Variants in KIAA1549 observed in about 807,000 individuals in gnomAD.
KIAA1549 encodes the protein UPF0606 protein KIAA1549.
In KIAA1549, 70 loss-of-function variants were observed where a neutral mutation model predicts 156.4. That is an observed-to-expected ratio of 0.45 (90% CI 0.37 to 0.55). The LOEUF (loss-of-function observed/expected upper bound fraction) is 0.55, where lower values mean the gene tolerates loss of function less well. Among genes scored for constraint, KIAA1549 ranks in the 20% least tolerant of loss-of-function variants. KIAA1549 has a pLI of 0.00. For synonymous variants in KIAA1549, 1,103 were observed against 1,066.4 expected, an observed-to-expected ratio of 1.03 and a Z score of -0.67; for missense variants, 2,428 against 2,540.9, an observed-to-expected ratio of 0.96 and a Z score of 0.96.
chr7:138,867,730 T>C (rs931756518), intron 15 of KIAA1549, among the ~76,000 whole-genome samples: 4 of 151,614 alleles, frequency 2.6e-5, no homozygotes, highest in African/African-American at 7.3e-5. Flanking sequence ...AAACACGGAG[T>C]GTGTTTCCAG....
At chr7:138,870,229 C>T (rs765967258) in intron 13 of KIAA1549, among the ~76,000 whole-genome samples, 9 of 152,030 alleles carry the variant, frequency 5.9e-5, no homozygotes, top group South Asian at 2.1e-4. Context: ...GTAAGCTCCA[C>T]GGAGTCACCG....
chr7:138,893,542 C>G (rs150875868), intron 10 of KIAA1549, among the ~76,000 whole-genome samples: 1 of 152,170 alleles, frequency 6.6e-6, no homozygotes, highest in Non-Finnish European at 1.5e-5. Flanking sequence ...CAAAACAAAA[C>G]AAGACTTGGG....
intron 13 of KIAA1549, among the ~76,000 whole-genome samples, chr7:138,870,638 A>G (rs1810900790): frequency 6.6e-6 from 1 of 152,094 alleles, no homozygotes; most frequent in Admixed American, 6.6e-5. Context: ...GGCCGCACTA[A>G]CACTTTTCTG....
intron 1 of KIAA1549, among the ~76,000 whole-genome samples, chr7:138,948,575 T>C (rs1394154797): frequency 6.6e-6 from 1 of 152,180 alleles, no homozygotes; most frequent in Non-Finnish European, 1.5e-5. Flanking sequence ...AACCAATAGA[T>C]ACTGTCACTG....
intron 1 of KIAA1549, among the ~76,000 whole-genome samples, chr7:138,972,354 A>G (rs1308521245): frequency 7.1e-6 from 1 of 140,844 alleles, no homozygotes; most frequent in Admixed American, 7.1e-5. Flanking sequence ...ATGACACCCC[A>G]ATCCCTCCCG....
At chr7:138,922,777 GAGACATAGA>G (rs1264037883) in intron 1 of KIAA1549, among the ~76,000 whole-genome samples, 2 of 151,902 alleles carry the variant, frequency 1.3e-5, no homozygotes, top group African/African-American at 2.4e-5. Context: ...AAGAAGTTAA[GAGACATAGA>G]AGACAGAATA....
In KIAA1549 at chr7:138,981,167, G is replaced by A. The variant is rs1389685509; in HGVS notation, c.103C>T (p.Arg35Cys). Reference sequence around the variant, plus strand: ...CCCGGGCGGCGGCGGCGGGCGCAGCGGGCGGAAGGCCGTCGGCCGCTCGGC... The same window carrying A: ...CCCGGGCGGCGGCGGCGGGCGCAGCAGGCGGAAGGCCGTCGGCCGCTCGGC... The part of the protein sequence containing the change: ...PGPSGRRPSA[R>C]CARRRRPGLL... The change falls in exon 1 of 20, where the codon CGC (arginine) becomes TGC (cysteine). Residue 35 changes from arginine to cysteine, a missense_variant. By Grantham distance (180) the Arg-to-Cys change is radical. Around this residue, in one of 5 missense-constraint regions of KIAA1549, gnomAD observed 893 missense variants for 847.9 expected, o/e 1.05. Transcript: ENST00000422774. This position sits in a 1 kb window ranked among gnomAD's most constrained non-coding sequence, Gnocchi z 4.5. 46 of 1,173,680 alleles carry A rather than the reference G, an allele frequency of 3.9e-5. No individual in the cohort carries two copies. The East Asian group carries it at 8.5e-4, about 22-fold the overall frequency. 72.7% of individuals were successfully genotyped at this position (1,173,680 alleles called of 1,614,324 possible).
At chr7:138,935,793 C>A (rs1194493085) in intron 1 of KIAA1549, among the ~76,000 whole-genome samples, 1 of 152,166 alleles carries the variant, frequency 6.6e-6, no homozygotes, top group Non-Finnish European at 1.5e-5. Context: ...TAATTCGGCT[C>A]TAAATTAAGC....
intron 1 of KIAA1549, among the ~76,000 whole-genome samples, chr7:138,948,878 A>G (rs551005797): frequency 1.3e-5 from 2 of 151,466 alleles, no homozygotes; most frequent in East Asian, 1.9e-4. Flanking sequence ...AATTTTTTGT[A>G]TTTTTAGTAG....
intron 1 of KIAA1549, among the ~76,000 whole-genome samples, chr7:138,935,443 A>G (rs1466438570): frequency 6.6e-6 from 1 of 152,218 alleles, no homozygotes; most frequent in Non-Finnish European, 1.5e-5. Flanking sequence ...TGAGTAACCA[A>G]AACAAACTAA....
chr7:138,969,937 G>A (rs902893791), intron 1 of KIAA1549, among the ~76,000 whole-genome samples: 15 of 152,062 alleles, frequency 9.9e-5, no homozygotes, highest in East Asian at 7.7e-4. Flanking sequence ...TAAATGGTGC[G>A]TCCATCCCCT....
chr7:138,910,868 A>C (rs545289067), intron 4 of KIAA1549, among the ~76,000 whole-genome samples: 147 of 151,794 alleles, frequency 9.7e-4, no homozygotes, highest in Non-Finnish European at 1.9e-3. Context: ...GCCTAAAAAA[A>C]AATTAAAAAA....
chr7:138,917,640 A>C lies in KIAA1549; in HGVS notation c.1986T>G (p.Ser662=). The part of the protein sequence containing the change: ...PSDLSPFTSQ[S]FSPLVETFTL... ...TAAATGTCTCAACCAAGGGAGAAAA[A>C]GACTGAGATGTGAAGGGGGACAAGT... The change falls in exon 2 of 20, where the codon TCT becomes TCG. Residue 662 remains serine, a synonymous_variant. Transcript: ENST00000422774. 2 of 1,613,646 alleles carry C rather than the reference A, an allele frequency of 1.2e-6. No homozygotes were observed. The highest frequency in any genetic ancestry group is 1.7e-6 in the Non-Finnish European group (2 of 1,179,724).
chr7:138,839,077 A>G (rs1809832421), intron 19 of KIAA1549, among the ~76,000 whole-genome samples: 1 of 152,180 alleles, frequency 6.6e-6, no homozygotes, highest in Non-Finnish European at 1.5e-5. Context: ...GAAGGCAAAA[A>G]AAGAGAAATG....
At chr7:138,900,042 T>C (rs1014817764) in intron 8 of KIAA1549, among the ~76,000 whole-genome samples, 1 of 152,228 alleles carries the variant, frequency 6.6e-6, no homozygotes. Context: ...CTCCTTATTT[T>C]ACATGTGCCA....
At chr7:138,934,066 C>G (rs1362803760) in intron 1 of KIAA1549, among the ~76,000 whole-genome samples, 1 of 152,140 alleles carries the variant, frequency 6.6e-6, no homozygotes, top group Admixed American at 6.6e-5. Flanking sequence ...TTGTTGTCGT[C>G]GTTCTTACTG....
intron 17 of KIAA1549, among the ~76,000 whole-genome samples, chr7:138,848,358 T>G (rs1030141471): frequency 6.6e-6 from 1 of 152,216 alleles, no homozygotes; most frequent in South Asian, 2.1e-4. Flanking sequence ...TTCTATTCTT[T>G]GTTTGCTAAG....
chr7:138,910,193 C>T (rs975830811), intron 4 of KIAA1549, among the ~76,000 whole-genome samples: 5 of 152,010 alleles, frequency 3.3e-5, no homozygotes, highest in South Asian at 4.1e-4. Context: ...AACTATTCTA[C>T]GTACTTTTGT....
intron 1 of KIAA1549, among the ~76,000 whole-genome samples, chr7:138,936,865 GTC>G (rs1584769487): frequency 2.6e-5 from 4 of 151,952 alleles, no homozygotes; most frequent in Admixed American, 2.0e-4. Flanking sequence ...CAGGGCTGTG[GTC>G]TCTCTCTACG....
Sources: allele counts gnomAD v4.1 joint callset (sites outside exome capture counted in the v4.1 genomes callset), GRCh38; gene constraint gnomAD v4.1.1; regional missense constraint gnomAD v4.1.1; non-coding constraint Gnocchi (gnomAD v3.1); transcripts MANE v1.5; gene names NCBI Gene and HGNC (gene_info 2026-07-23, HGNC 2026-07-21).